Variants in MYOM3 observed in about 807,000 individuals in gnomAD.
MYOM3 encodes the protein myomesin-3.
In MYOM3, 155 loss-of-function variants were observed where a neutral mutation model predicts 191.7. The observed-to-expected ratio is 0.81, with a 90% CI of 0.71 to 0.92. The LOEUF is 0.92. MYOM3 is among the 40% of genes least tolerant of loss of function. The pLI is 0.00. For missense variants in MYOM3, 1,889 were observed against 1,890.6 expected (o/e 1.00, Z 0.02); for synonymous variants, 757 against 762.9 (o/e 0.99, Z 0.13).
intron 5 of MYOM3, among the ~76,000 whole-genome samples, chr1:24,105,633 C>T (rs1643975597): frequency 2.0e-5 from 3 of 152,208 alleles, no homozygotes; most frequent in African/African-American, 7.2e-5. Context: ...GTGGCTTGTG[C>T]CTGTGGTCCC....
In MYOM3 at chr1:24,106,945, G is replaced by T. The variant is rs888983336; in HGVS notation, c.402+128C>A. ...GGGGTCACACCACTGGAATGTAGGG[G>T]CATCAGATGCAGACCCAAAGCCTGG... On this transcript the variant is annotated intron_variant, in intron 4 of 36. Transcript: ENST00000374434. 8 of 851,668 alleles carry T rather than the reference G, an allele frequency of 9.4e-6. No homozygotes were observed. In the African/African-American group the frequency reaches 1.2e-4, roughly 13 times the overall value. 52.8% of individuals were successfully genotyped at this position (851,668 alleles called of 1,614,324 possible).
rs1184936291 is a variant in MYOM3 at position 24,065,676 on chromosome 1, G to GT, written c.3534+214dup. On this transcript the variant is annotated intron_variant, in intron 29 of 36. Transcript: ENST00000374434. Reference sequence around the variant, plus strand: ...TATTGAAAATTTGGGGGCTTTAATAGTTTTTTTGCATTAATTTTGATTTTT... The same window carrying GT: ...TATTGAAAATTTGGGGGCTTTAATAGTTTTTTTTGCATTAATTTTGATTTTT... 13 of 604,892 alleles carry GT rather than the reference G, an allele frequency of 2.1e-5. 1 individual carries two copies. Among genetic ancestry groups the GT allele is most frequent in the East Asian group, 1.4e-4 (5 of 35,222 alleles). The allele number at this position is 604,892 out of a possible 1,614,324, so 37.5% of individuals were successfully genotyped here.
chr1:24,094,915 G>C lies in MYOM3; in HGVS notation c.866C>G (p.Ser289Cys), dbSNP rs200854393. The change falls in exon 9 of 37, where the codon TCC becomes TGC. Residue 289 changes from serine to cysteine, a missense_variant. Ser to Cys is a moderately radical substitution (Grantham distance 112). Transcript: ENST00000374434. Reference protein sequence around the residue: ...PVFAREKEPFSLSCLFSEDVL... With the variant: ...PVFAREKEPFCLSCLFSEDVL... ...ATCTTCCGAAAACAAGCATGACAGG[G>C]AGAAGGGTTCCTTCTCACGAGCAAA... is the stretch of plus-strand genomic sequence containing the variant. 637 of 1,614,024 alleles carry C rather than the reference G, an allele frequency of 3.9e-4. 1 individual carries two copies. Among genetic ancestry groups the C allele is most frequent in the Non-Finnish European group, 4.7e-4 (556 of 1,180,012 alleles).
At chr1:24,110,537 G>C (rs1644030145) in intron 1 of MYOM3, among the ~76,000 whole-genome samples, 2 of 152,162 alleles carry the variant, frequency 1.3e-5, no homozygotes, top group African/African-American at 2.4e-5. Context: ...GGCTCGGGCT[G>C]TGGAGGGTCA....
At chr1:24,095,592 G>A (rs926245411) in intron 7 of MYOM3, 106 bp from the exon 8 acceptor site, 1 of 947,686 alleles carries the variant, frequency 1.1e-6, no homozygotes, top group Admixed American at 2.4e-5. Flanking sequence ...TGGTCTGTTG[G>A]TGGCTTCCCC....
At chr1:24,081,181 T>C (rs1643663120) in intron 19 of MYOM3, 149 bp downstream of exon 19, 2 of 950,094 alleles carry the variant, frequency 2.1e-6, no homozygotes, top group Non-Finnish European at 3.1e-6. Context: ...AATTATAGAG[T>C]GGGTTTGTGC....
chr1:24,079,634 C>T (rs996244175), intron 20 of MYOM3, among the ~76,000 whole-genome samples: 2 of 152,138 alleles, frequency 1.3e-5, no homozygotes, highest in Non-Finnish European at 2.9e-5. Context: ...AAGTTGTTTC[C>T]AGCTTGGGCC....
chr1:24,068,394 T>C (rs1311148515), intron 25 of MYOM3, 27 bp from the exon 26 acceptor site: 1 of 1,613,714 alleles, frequency 6.2e-7, no homozygotes, highest in Non-Finnish European at 8.5e-7. Context: ...CCAGAGTCCT[T>C]TTCCCTGTTC....
chr1:24,057,355 C>T lies in MYOM3; in HGVS notation c.*9G>A. 6.2e-7 allele frequency: 1 copy of T among 1,610,464 alleles called. No individual in the cohort carries two copies. On this transcript the variant is annotated 3_prime_UTR_variant, in exon 37 of 37. Transcript: ENST00000374434. Reference sequence around the variant, plus strand: ...AGACTAGACTCAGACTGTGCCTGGACACACGCTGTCACATGCTCTTCAGCT... The same window carrying T: ...AGACTAGACTCAGACTGTGCCTGGATACACGCTGTCACATGCTCTTCAGCT...
chr1:24,079,574 T>C (rs891351133), intron 20 of MYOM3, among the ~76,000 whole-genome samples: 2 of 152,180 alleles, frequency 1.3e-5, no homozygotes, highest in African/African-American at 2.4e-5. Flanking sequence ...GATTCTACTT[T>C]TAAGGTACAC....
chr1:24,079,739 C>T (rs1432610544), intron 20 of MYOM3, among the ~76,000 whole-genome samples: 4 of 152,142 alleles, frequency 2.6e-5, no homozygotes, highest in South Asian at 4.1e-4. Flanking sequence ...AGCAGAATTG[C>T]TGGGTCAAGG....
chr1:24,099,536 G>A, intron 6 of MYOM3, 144 bp downstream of exon 6: 3 of 642,810 alleles, frequency 4.7e-6, no homozygotes, highest in South Asian at 1.9e-5. Flanking sequence ...CCTGTCCCAG[G>A]AATCGGTATT....
In MYOM3 at chr1:24,095,476, C is replaced by T. The variant is rs751736494; in HGVS notation, c.756G>A (p.Gly252=). 2 of 1,612,780 alleles carry T rather than the reference C, an allele frequency of 1.2e-6. No individual in the cohort carries two copies. The highest frequency in any genetic ancestry group is 1.7e-6 in the Non-Finnish European group (2 of 1,179,212). Residue 252 remains glycine (G), a synonymous_variant, in exon 8 of 37, where the codon GGG becomes GGA. Transcript: ENST00000374434. ...FAKVLVRTYL[G]KDAGFDSEIF... ...TCTCTGAATCGAAGCCAGCATCCTT[C>T]CCCAGGTAAGCTGAAAAACCAAAGG... is the stretch of plus-strand genomic sequence containing the variant.
chr1:24,090,233 C>T (rs1435431761), intron 12 of MYOM3, 115 bp from the exon 13 acceptor site: 7 of 840,894 alleles, frequency 8.3e-6, no homozygotes, highest in Non-Finnish European at 1.4e-5. Context: ...CCTTGCAGCC[C>T]TCGCTGTGCA....
chr1:24,100,204 C>A (rs1281238337), intron 5 of MYOM3, among the ~76,000 whole-genome samples: 3 of 152,128 alleles, frequency 2.0e-5, no homozygotes, highest in Non-Finnish European at 4.4e-5. Flanking sequence ...CTTGCCTGTG[C>A]GATTGGAGCA....
chr1:24,067,163 G>A, intron 27 of MYOM3, 75 bp from the exon 28 acceptor site: 1 of 1,443,888 alleles, frequency 6.9e-7, no homozygotes, highest in African/African-American at 1.4e-5. Flanking sequence ...TCCAGGCAGT[G>A]CTGGGGGGAG....
At chr1:24,094,581 C>T (rs1643868533) in intron 9 of MYOM3, among the ~76,000 whole-genome samples, 1 of 152,166 alleles carries the variant, frequency 6.6e-6, no homozygotes, top group South Asian at 2.1e-4. Flanking sequence ...CAGGTGGACA[C>T]AGCCCCCTGG....
In MYOM3 at chr1:24,108,017, A is replaced by AGAGCCAGGGCTG; in HGVS notation, c.206_217dup (p.Ala72_Leu73insProAlaLeuAla). ...CCAAGACAGCTCGGAGGAGGCCGTC[A>AGAGCCAGGGCTG]GAGCCAGGGCTGCTGCCAGGGCGTA... On this transcript the variant is annotated inframe_insertion, in exon 3 of 37. Transcript: ENST00000374434. 1 of 1,613,510 alleles carries AGAGCCAGGGCTG rather than the reference A, an allele frequency of 6.2e-7. No homozygotes were observed. The highest frequency in any genetic ancestry group is 1.1e-5 in the South Asian group (1 of 91,032).
In MYOM3 at chr1:24,063,225, G is replaced by A. The variant is rs781272192; in HGVS notation, c.3671C>T (p.Ala1224Val). ...TELGRIGALS[A>V]TPLKIQGTEE... ...GGTCCCCTGGATTTTCAGTGGAGTT[G>A]CAGAGAGGGCTGGGGAGACAGAGGA... Residue 1224 changes from alanine (A) to valine (V), a missense_variant, in exon 32 of 37, where the codon GCA (alanine) becomes GTA (valine). By Grantham distance (64) the Ala-to-Val change is moderately conservative (BLOSUM62 0). Coordinates refer to ENST00000374434, the MANE Select transcript of MYOM3 (RefSeq NM_152372.4). The surrounding 1 kb of genome is among the most constrained non-coding windows in gnomAD (Gnocchi z 4.5). 6.2e-7 allele frequency: 1 copy of A among 1,613,602 alleles called. No homozygotes were observed. Among genetic ancestry groups the A allele is most frequent in the Admixed American group, 1.7e-5 (1 of 60,010 alleles).
Sources: allele counts gnomAD v4.1 joint callset (sites outside exome capture counted in the v4.1 genomes callset), GRCh38; gene constraint gnomAD v4.1.1; non-coding constraint Gnocchi (gnomAD v3.1); transcripts MANE v1.5; gene names NCBI Gene and HGNC (gene_info 2026-07-23, HGNC 2026-07-21).